Variants in CRADD observed in about 807,000 individuals in gnomAD.
CRADD encodes the protein CARD and death domain containing adaptor protein, also known as death domain-containing protein CRADD.
In CRADD, 9 loss-of-function variants were observed where a neutral mutation model predicts 15.5. That is an observed-to-expected ratio of 0.58 (90% CI 0.35 to 1.01). The LOEUF (loss-of-function observed/expected upper bound fraction) is 1.01. CRADD is among the 50% of genes least tolerant of loss of function. The probability of loss-of-function intolerance (pLI) is 0.02; values close to 1 mark genes in which losing one functional copy is unlikely to be tolerated. For synonymous variants in CRADD, 118 were observed against 107.6 expected, an observed-to-expected ratio of 1.10 and a Z score of -0.60; for missense variants, 227 against 250.3, an observed-to-expected ratio of 0.91 and a Z score of 0.63.
At chr12:93,690,154 C>T (rs1955534303) in intron 2 of CRADD, among the ~76,000 whole-genome samples, 1 of 152,240 alleles carries the variant, frequency 6.6e-6, no homozygotes, top group Admixed American at 6.5e-5. Context: ...AGTTTCTACA[C>T]TGTACCTTCC....
At chr12:93,873,562 T>C (rs1958437186) in intron 2 of CRADD, among the ~76,000 whole-genome samples, 1 of 152,142 alleles carries the variant, frequency 6.6e-6, no homozygotes, top group Non-Finnish European at 1.5e-5. Context: ...TATCTGACTT[T>C]TATTATATTG....
intron 2 of CRADD, among the ~76,000 whole-genome samples, chr12:93,841,807 G>C (rs1203956146): frequency 6.6e-6 from 1 of 152,284 alleles, no homozygotes; most frequent in South Asian, 2.1e-4. Flanking sequence ...GGCTGTGCTG[G>C]AACGGGACAG....
chr12:93,730,480 C>G (rs920928381), intron 2 of CRADD, among the ~76,000 whole-genome samples: 1 of 152,170 alleles, frequency 6.6e-6, no homozygotes, highest in Non-Finnish European at 1.5e-5. Flanking sequence ...CTGGAAGGCA[C>G]TTTGGCAATA....
intron 2 of CRADD, among the ~76,000 whole-genome samples, chr12:93,781,105 C>G (rs1171223714): frequency 6.6e-6 from 1 of 151,900 alleles, no homozygotes; most frequent in Non-Finnish European, 1.5e-5. Flanking sequence ...TAGAGCAAAG[C>G]CATCAAAGAG....
chr12:93,753,478 A>G (rs929817535), intron 2 of CRADD, among the ~76,000 whole-genome samples: 1 of 152,174 alleles, frequency 6.6e-6, no homozygotes, highest in Non-Finnish European at 1.5e-5. Flanking sequence ...CCACAGTCCA[A>G]AGTCTCATCT....
intron 2 of CRADD, among the ~76,000 whole-genome samples, chr12:93,689,607 A>C (rs1381896374): frequency 1.3e-5 from 2 of 152,224 alleles, no homozygotes; most frequent in Non-Finnish European, 2.9e-5. Context: ...AAGAAGTGCC[A>C]AGTTGACAAT....
rs911895017 is a variant in CRADD, at chr12:93,781,930, T to C, written c.299-68040T>C. ...CTAGTTCAACCATTGTGGAAATCAG[T>C]GTGGCGATTCCTCAGGGATCTAGAA... On this transcript the variant is annotated intron_variant, in intron 2 of 2. Coordinates refer to ENST00000332896, the MANE Select transcript of CRADD (RefSeq NM_003805.5). 2.6e-5 allele frequency among the ~76,000 whole-genome samples: 4 copies of C among 152,302 alleles called. No individual in the cohort carries two copies. The East Asian group carries it at 5.8e-4, about 22-fold the overall frequency.
chr12:93,774,345 T>TA (rs1323160306), intron 2 of CRADD, among the ~76,000 whole-genome samples: 4 of 152,162 alleles, frequency 2.6e-5, no homozygotes, highest in Non-Finnish European at 4.4e-5. Context: ...TTGGAAGTGA[T>TA]AGAGATTTTA....
rs542972615 is a variant in CRADD at position 93,796,202 on chromosome 12, T to C, written c.299-53768T>C. 5.1e-4 allele frequency among the ~76,000 whole-genome samples: 78 copies of C among 152,280 alleles called. No homozygotes were observed. The Middle Eastern group carries it at 0.02, about 40-fold the overall frequency. Reference sequence around the variant, plus strand: ...AACACTTTATATAAAGCTAAGCCATTGGGAAATTTTTTCTGCCATAGCCAA... The same window carrying C: ...AACACTTTATATAAAGCTAAGCCATCGGGAAATTTTTTCTGCCATAGCCAA... On this transcript the variant is annotated intron_variant, in intron 2 of 2. Coordinates refer to ENST00000332896, the MANE Select transcript of CRADD (RefSeq NM_003805.5).
intron 2 of CRADD, among the ~76,000 whole-genome samples, chr12:93,782,610 A>AG (rs1957224377): frequency 6.6e-6 from 1 of 151,600 alleles, no homozygotes; most frequent in East Asian, 1.9e-4. Context: ...AAAAAAAAAA[A>AG]GACTTAAGGG....
At chr12:93,782,954 G>A (rs1957228431) in intron 2 of CRADD, among the ~76,000 whole-genome samples, 1 of 152,060 alleles carries the variant, frequency 6.6e-6, no homozygotes, top group Non-Finnish European at 1.5e-5. Context: ...ATAGGTTTTT[G>A]GGGGTTCTTT....
rs140637492 is a variant in CRADD at position 93,712,075 on chromosome 12, C to A, written c.298+33003C>A. On this transcript the variant is annotated intron_variant, in intron 2 of 2. Coordinates refer to ENST00000332896, the MANE Select transcript of CRADD (RefSeq NM_003805.5). ...CTGGTCTCCTAGACTCTTAACAGTG[C>A]ACTAGACACTCGCCCTCTCACAGTT... Among the ~76,000 whole-genome samples the A allele has an allele frequency of 1.6e-4, 25 of 152,218 alleles. No homozygotes were observed. The East Asian group carries it at 3.3e-3, about 20-fold the overall frequency.
At chr12:93,825,589 T>A (rs1003693127) in intron 2 of CRADD, among the ~76,000 whole-genome samples, 6 of 152,232 alleles carry the variant, frequency 3.9e-5, no homozygotes, top group Admixed American at 2.0e-4. Context: ...TGTGTCATAT[T>A]TGTCATACAG....
At chr12:93,881,445 G>GGGGGT (rs1958501409) in intron 2 of CRADD, among the ~76,000 whole-genome samples, 1 of 140,662 alleles carries the variant, frequency 7.1e-6, no homozygotes, top group Non-Finnish European at 1.6e-5. Context: ...AGTGTGGGGG[G>GGGGGT]GGGGTGGGGA....
chr12:93,770,323 T>A (rs1312027174), intron 2 of CRADD, among the ~76,000 whole-genome samples: 1 of 151,988 alleles, frequency 6.6e-6, no homozygotes, highest in African/African-American at 2.4e-5. Flanking sequence ...GGTCTCGATC[T>A]CCTGACCTCG....
downstream of CRADD, among the ~76,000 whole-genome samples, chr12:93,854,617 C>A (rs1958256341): frequency 6.6e-6 from 1 of 152,164 alleles, no homozygotes. Context: ...GAAAAACAAT[C>A]TTTGGCTACT....
chr12:93,809,096 T>C (rs1875239858), intron 2 of CRADD, among the ~76,000 whole-genome samples: 1 of 143,808 alleles, frequency 7.0e-6, no homozygotes, highest in Non-Finnish European at 1.5e-5. Context: ...GTATTTTTAA[T>C]GGAAACAGAG....
At chr12:93,687,323 G>A (rs1955461422) in intron 2 of CRADD, among the ~76,000 whole-genome samples, 1 of 152,068 alleles carries the variant, frequency 6.6e-6, no homozygotes, top group African/African-American at 2.4e-5. Flanking sequence ...TAGACCGTTC[G>A]GCTGCATCAG....
At chr12:93,686,641 C>A (rs1955448414) in intron 2 of CRADD, among the ~76,000 whole-genome samples, 1 of 152,178 alleles carries the variant, frequency 6.6e-6, no homozygotes, top group Admixed American at 6.5e-5. Flanking sequence ...GGAGCCATAT[C>A]CTGGTATTAT....
Sources: gnomAD v4.1 joint callset for allele counts (sites outside exome capture counted in the v4.1 genomes callset) on GRCh38, gnomAD v4.1.1 for gene constraint, MANE v1.5 for transcripts, NCBI Gene and HGNC (gene_info 2026-07-23, HGNC 2026-07-21) for gene names.